PTPRD: variants seen among roughly 807,000 people sequenced by gnomAD.
PTPRD encodes protein tyrosine phosphatase receptor type D.
A neutral mutation model predicts 214.5 loss-of-function variants in PTPRD; 34 were observed. That is an observed-to-expected ratio of 0.16 (90% CI 0.12 to 0.21). PTPRD has a LOEUF of 0.21. PTPRD is among the 10% of genes least tolerant of loss of function. The pLI, the probability that PTPRD is intolerant of heterozygous loss-of-function variation, is 1.00. For synonymous variants in PTPRD, 1,128 were observed against 845.7 expected, an observed-to-expected ratio of 1.33 and a Z score of -5.79; for missense variants, 2,545 against 2,398.7, an observed-to-expected ratio of 1.06 and a Z score of -1.27.
chr9:9,866,355 TA>T (rs1319240148), intron 5 of PTPRD, among the ~76,000 whole-genome samples: 1 of 152,164 alleles, frequency 6.6e-6, no homozygotes, highest in Non-Finnish European at 1.5e-5. Flanking sequence ...TTGATAGCTT[TA>T]AAAAATGTTA....
At chr9:10,278,982 G>A (rs960263621) in intron 3 of PTPRD, among the ~76,000 whole-genome samples, 6 of 152,038 alleles carry the variant, frequency 3.9e-5, no homozygotes, top group Non-Finnish European at 8.8e-5. Context: ...CACCGTGTTA[G>A]CCAGGATGAT....
chr9:8,670,264 A>G (rs560242501), intron 12 of PTPRD, among the ~76,000 whole-genome samples: 5 of 152,168 alleles, frequency 3.3e-5, no homozygotes, highest in South Asian at 2.1e-4. Context: ...TTCGTCCTAT[A>G]TATCTGCTAT....
At chr9:8,401,619 C>A (rs1423775244) in intron 36 of PTPRD, among the ~76,000 whole-genome samples, 1 of 152,018 alleles carries the variant, frequency 6.6e-6, no homozygotes, top group Non-Finnish European at 1.5e-5. Flanking sequence ...TCAAAAAGTT[C>A]AATAAGCACA....
intron 7 of PTPRD, among the ~76,000 whole-genome samples, chr9:9,634,369 G>A (rs959403485): frequency 1.3e-5 from 2 of 152,120 alleles, no homozygotes; most frequent in African/African-American, 4.8e-5. Context: ...AGTGGTCATT[G>A]TTAATATTAA....
At chr9:10,511,944 ATACG>A (rs1230497236) in intron 2 of PTPRD, among the ~76,000 whole-genome samples, 29 of 59,246 alleles carry the variant, frequency 4.9e-4, no homozygotes, top group African/African-American at 1.5e-3. Flanking sequence ...GTATATATAT[ATACG>A]TGTGTGTATA....
chr9:10,045,867 T>C (rs568102163), intron 3 of PTPRD, among the ~76,000 whole-genome samples: 14 of 151,844 alleles, frequency 9.2e-5, no homozygotes, highest in African/African-American at 3.4e-4. Flanking sequence ...CTGCATTTAT[T>C]CTGTGTTAAG....
At chr9:10,105,682 A>T (rs536161388) in intron 3 of PTPRD, among the ~76,000 whole-genome samples, 1 of 152,002 alleles carries the variant, frequency 6.6e-6, no homozygotes, top group African/African-American at 2.4e-5. Flanking sequence ...TAATACCAAA[A>T]GATGTCTGAA....
At chr9:10,435,958 G>C (rs762705107) in intron 2 of PTPRD, among the ~76,000 whole-genome samples, 1 of 151,708 alleles carries the variant, frequency 6.6e-6, no homozygotes, top group African/African-American at 2.4e-5. Context: ...TTCAAAAATG[G>C]ACATACACAC....
chr9:9,144,814 A>T (rs1283785414), intron 10 of PTPRD, among the ~76,000 whole-genome samples: 11 of 152,064 alleles, frequency 7.2e-5, no homozygotes, highest in African/African-American at 2.4e-4. Flanking sequence ...AAACAAACAA[A>T]CAAAATCTTT....
Position 9,511,303 on chromosome 9 carries a change from C to T in PTPRD, c.-237+63429G>A, listed in dbSNP as rs542972676. Among the ~76,000 whole-genome samples, 4 of 151,724 alleles carry T rather than the reference C, an allele frequency of 2.6e-5. No individual in the cohort carries two copies. The East Asian group carries it at 7.8e-4, about 29-fold the overall frequency. On this transcript the variant is annotated intron_variant, in intron 8 of 45. Coordinates refer to ENST00000381196, the MANE Select transcript of PTPRD (RefSeq NM_002839.4). ...CAGGTATTGACAAATTGGTAACATG[C>T]AATGCAAAGCTTTTGGTATGAAAGA...
chr9:9,542,620 T>C (rs536357522), intron 8 of PTPRD, among the ~76,000 whole-genome samples: 2 of 151,654 alleles, frequency 1.3e-5, no homozygotes, highest in Admixed American at 1.3e-4. Flanking sequence ...ATCAATAATA[T>C]AAACACAAAT....
At chr9:10,236,979 G>A (rs777429621) in intron 3 of PTPRD, among the ~76,000 whole-genome samples, 11 of 151,856 alleles carry the variant, frequency 7.2e-5, no homozygotes, top group Non-Finnish European at 1.0e-4. Context: ...TTAGAGCAGT[G>A]AGAATATTCT....
chr9:10,507,103 G>A (rs751441956), intron 2 of PTPRD, among the ~76,000 whole-genome samples: 15 of 151,818 alleles, frequency 9.9e-5, no homozygotes, highest in Admixed American at 2.6e-4. Context: ...GCAAAGTCTC[G>A]GGATAAAAAA....
chr9:10,225,112 A>C (rs1476107454), intron 3 of PTPRD, among the ~76,000 whole-genome samples: 2 of 152,004 alleles, frequency 1.3e-5, no homozygotes, highest in Non-Finnish European at 2.9e-5. Context: ...TATAACATTA[A>C]TCTATAGCTC....
At chr9:9,444,541 C>G (rs767012614) in intron 8 of PTPRD, among the ~76,000 whole-genome samples, 4 of 152,136 alleles carry the variant, frequency 2.6e-5, no homozygotes, top group Non-Finnish European at 5.9e-5. Context: ...TGCCAGTGCT[C>G]TAATAAACAC....
chr9:10,410,631 A>T (rs193022309), intron 2 of PTPRD, among the ~76,000 whole-genome samples: 6 of 151,848 alleles, frequency 4.0e-5, no homozygotes, highest in African/African-American at 1.4e-4. Flanking sequence ...GAAAAAAAGT[A>T]CTTGTACCAA....
intron 10 of PTPRD, among the ~76,000 whole-genome samples, chr9:9,034,182 T>G (rs1288024136): frequency 1.3e-5 from 2 of 152,162 alleles, no homozygotes; most frequent in South Asian, 2.1e-4. Flanking sequence ...TAACATTTAC[T>G]CTGGCTTTTC....
intron 11 of PTPRD, among the ~76,000 whole-genome samples, chr9:9,010,088 A>C (rs1359315761): frequency 6.6e-6 from 1 of 152,152 alleles, no homozygotes; most frequent in African/African-American, 2.4e-5. Flanking sequence ...ATGGTTAGAA[A>C]ATCATTCAAG....
chr9:8,568,286 G>A (rs552679611), intron 14 of PTPRD, among the ~76,000 whole-genome samples: 1 of 152,146 alleles, frequency 6.6e-6, no homozygotes, highest in South Asian at 2.1e-4. Context: ...ATTAAACCAG[G>A]ACCAAGAATT....
Sources: allele counts gnomAD v4.1 joint callset (sites outside exome capture counted in the v4.1 genomes callset), GRCh38; gene constraint gnomAD v4.1.1; transcripts MANE v1.5; gene names NCBI Gene and HGNC (gene_info 2026-07-23, HGNC 2026-07-21).